PTPRJ: variants seen among roughly 807,000 people sequenced by gnomAD.
The protein encoded by PTPRJ is protein tyrosine phosphatase receptor type J.
PTPRJ carries 129 observed loss-of-function variants against 141.3 expected under a neutral mutation model. The ratio of observed to expected loss-of-function variants is 0.91; its 90% CI spans 0.79 to 1.06. PTPRJ has a LOEUF of 1.06. Among genes scored for constraint, PTPRJ ranks in the 50% least tolerant of loss-of-function variants. The pLI is 0.00. For synonymous variants in PTPRJ, 610 were observed against 640.5 expected (o/e 0.95, Z 0.72); for missense variants, 1,601 against 1,679.7 (o/e 0.95, Z 0.82).
intron 18 of PTPRJ, among the ~76,000 whole-genome samples, chr11:48,152,417 A>C (rs1254821955): frequency 6.6e-6 from 1 of 151,914 alleles, no homozygotes; most frequent in Admixed American, 6.6e-5. Context: ...CTCTGATGGT[A>C]GTTTCTTTTG....
intron 3 of PTPRJ, among the ~76,000 whole-genome samples, chr11:48,113,507 G>A (rs1856490123): frequency 6.6e-6 from 1 of 152,174 alleles, no homozygotes; most frequent in Non-Finnish European, 1.5e-5. Flanking sequence ...TGCTAGAATT[G>A]AGTAGTGGCA....
rs115394122 is a variant in PTPRJ at position 48,090,132 on chromosome 11, G to A, written c.97-19926G>A. Among the ~76,000 whole-genome samples the A allele has an allele frequency of 1.4e-3, 215 of 152,192 alleles. 1 individual carries two copies. Among genetic ancestry groups the A allele is most frequent in the African/African-American group, 5.0e-3 (206 of 41,508 alleles). ...GGAAACTCTCTTTAATTCCCAGTCT[G>A]CTGTGATTCAGTGCTGGCCTGGGAG... On this transcript the variant is annotated intron_variant, in intron 1 of 24. Transcript: ENST00000418331.
chr11:48,102,625 G>C (rs1856177352), intron 1 of PTPRJ, among the ~76,000 whole-genome samples: 1 of 151,998 alleles, frequency 6.6e-6, no homozygotes, highest in African/African-American at 2.4e-5. Context: ...TTACAGGCCA[G>C]GCTGGTCTTG....
chr11:48,096,158 G>A (rs1855999231), intron 1 of PTPRJ, among the ~76,000 whole-genome samples: 3 of 152,134 alleles, frequency 2.0e-5, no homozygotes, highest in Admixed American at 2.0e-4. Flanking sequence ...TTTAAGTGTC[G>A]ATTTTCTTTC....
rs775432395 is a variant in PTPRJ at position 48,127,891 on chromosome 11, A to C, written c.1205A>C (p.His402Pro). The change falls in exon 7 of 25, where the codon CAT (histidine) becomes CCT (proline). Residue 402 changes from histidine to proline, a missense_variant. Physicochemically the swap from His to Pro is moderately conservative, Grantham distance 77. Transcript: ENST00000418331. Reference protein sequence around the residue: ...ESSSNYTYKIHVAGETDSSNL... With the variant: ...ESSSNYTYKIPVAGETDSSNL... Reference sequence around the variant, plus strand: ...TCATCTAACTATACCTACAAGATACATGTGGCGGGGGAGACAGATTCTTCC... The same window carrying C: ...TCATCTAACTATACCTACAAGATACCTGTGGCGGGGGAGACAGATTCTTCC... 5 of 1,614,190 alleles carry C rather than the reference A, an allele frequency of 3.1e-6. No individual in the cohort carries two copies. The highest frequency in any genetic ancestry group is 4.2e-6 in the Non-Finnish European group (5 of 1,180,022).
intron 1 of PTPRJ, among the ~76,000 whole-genome samples, chr11:48,101,869 T>C (rs140997510): frequency 1.2e-3 from 176 of 152,228 alleles, no homozygotes; most frequent in African/African-American, 4.0e-3. Flanking sequence ...CTGCTCTTTT[T>C]TGGGGGTCAT....
chr11:48,101,293 C>T (rs1031859721), intron 1 of PTPRJ, among the ~76,000 whole-genome samples: 8 of 152,124 alleles, frequency 5.3e-5, no homozygotes, highest in African/African-American at 1.9e-4. Context: ...CTTCAAGTCC[C>T]GCAGCTTCTC....
chr11:48,109,920 C>A, intron 1 of PTPRJ, 138 bp from the exon 2 acceptor site: 2 of 949,248 alleles, frequency 2.1e-6, no homozygotes, highest in Non-Finnish European at 1.7e-6. Flanking sequence ...GACGGCCTAA[C>A]CCTGACCAGC....
chr11:48,120,904 T>C, intron 3 of PTPRJ, 99 bp from the exon 4 acceptor site: 1 of 1,158,542 alleles, frequency 8.6e-7, no homozygotes, highest in Non-Finnish European at 1.2e-6. Context: ...AACTCTGTGA[T>C]TGGAAAGTCA....
At chr11:48,144,592 C>T (rs1169400829) in intron 12 of PTPRJ, 83 bp from the exon 13 acceptor site, 15 of 1,118,456 alleles carry the variant, frequency 1.3e-5, no homozygotes, top group Non-Finnish European at 2.0e-5. Context: ...TATCACCCAA[C>T]ATCACCACCA....
intron 1 of PTPRJ, among the ~76,000 whole-genome samples, chr11:48,023,994 A>G (rs1240584042): frequency 6.6e-6 from 1 of 151,878 alleles, no homozygotes; most frequent in African/African-American, 2.4e-5. Flanking sequence ...GATGGAAGTG[A>G]AAAAATAAAA....
chr11:48,151,751 T>A (rs958413490), intron 18 of PTPRJ, among the ~76,000 whole-genome samples: 6 of 152,132 alleles, frequency 3.9e-5, no homozygotes, highest in African/African-American at 1.4e-4. Flanking sequence ...TCCAGCTTCA[T>A]CCATGTCCCT....
At chr11:48,062,369 T>C (rs954669440) in intron 1 of PTPRJ, among the ~76,000 whole-genome samples, 1 of 151,956 alleles carries the variant, frequency 6.6e-6, no homozygotes, top group African/African-American at 2.4e-5. Context: ...AATAATTAGC[T>C]GGGCGTAGTG....
chr11:48,018,978 G>T (rs947294455), intron 1 of PTPRJ, among the ~76,000 whole-genome samples: 2 of 152,058 alleles, frequency 1.3e-5, no homozygotes, highest in East Asian at 1.9e-4. Context: ...CTCTCTCCAC[G>T]CTTTCTTCTT....
At chr11:48,074,581 C>G (rs999718325) in intron 1 of PTPRJ, among the ~76,000 whole-genome samples, 1 of 152,206 alleles carries the variant, frequency 6.6e-6, no homozygotes, top group Non-Finnish European at 1.5e-5. Flanking sequence ...TAATTAGACC[C>G]TTTCTCCTGT....
rs751071277 is a variant in PTPRJ, at chr11:48,150,169, G to A, written c.3124G>A (p.Ala1042Thr). The change falls in exon 18 of 25, where the codon GCA becomes ACA. Residue 1042 changes from alanine to threonine, a missense_variant. Transcript: ENST00000418331. Reference protein sequence around the residue: ...KQQADSNCGFAEEYEDLKLVG... With the variant: ...KQQADSNCGFTEEYEDLKLVG... ...GCAAGCTGACTCCAACTGTGGGTTC[G>A]CAGAGGAATACGAAGTATGTTGCTG... 1.9e-5 allele frequency: 31 copies of A among 1,613,610 alleles called. No individual in the cohort carries two copies. The Admixed American group carries it at 2.3e-4, about 12-fold the overall frequency.
At chr11:48,145,748 G>A (rs774999809) in intron 14 of PTPRJ, among the ~76,000 whole-genome samples, 2 of 151,998 alleles carry the variant, frequency 1.3e-5, no homozygotes, top group Middle Eastern at 3.4e-3. Context: ...TAGTGGCGAC[G>A]GGGTTTTGCT....
chr11:48,075,769 T>C (rs1855382696), intron 1 of PTPRJ, among the ~76,000 whole-genome samples: 1 of 152,288 alleles, frequency 6.6e-6, no homozygotes, highest in African/African-American at 2.4e-5. Context: ...AGATGTTATG[T>C]CCCTTCCCTT....
intron 1 of PTPRJ, among the ~76,000 whole-genome samples, chr11:48,018,518 T>C (rs1333301913): frequency 6.6e-6 from 1 of 152,218 alleles, no homozygotes; most frequent in Admixed American, 6.5e-5. Flanking sequence ...TAGCTCTTTT[T>C]TTCTTACCAC....
Sources: allele counts gnomAD v4.1 joint callset (sites outside exome capture counted in the v4.1 genomes callset), GRCh38; gene constraint gnomAD v4.1.1; transcripts MANE v1.5; gene names NCBI Gene and HGNC (gene_info 2026-07-23, HGNC 2026-07-21).